Variants in FOXP1 observed in about 807,000 individuals in gnomAD.
The protein encoded by FOXP1 is forkhead box protein P1.
A neutral mutation model predicts 98.2 loss-of-function variants in FOXP1; 15 were observed. The observed-to-expected ratio is 0.15, with a 90% confidence interval of 0.10 to 0.24. The LOEUF is 0.24. Among genes scored for constraint, FOXP1 ranks in the 10% least tolerant of loss-of-function variants. FOXP1 has a pLI of 1.00. For synonymous variants in FOXP1, 371 were observed against 314.5 expected (o/e 1.18, Z -1.90); for missense variants, 633 against 848.5 (o/e 0.75, Z 3.15).
At chr3:71,008,679 C>T (rs571643972) in intron 12 of FOXP1, among the ~76,000 whole-genome samples, 17 of 152,160 alleles carry the variant, frequency 1.1e-4, no homozygotes, top group African/African-American at 3.6e-4. Flanking sequence ...TCTGATAAAG[C>T]GTCCCTCTGT....
chr3:71,240,238 C>T (rs539872478), intron 5 of FOXP1, among the ~76,000 whole-genome samples: 1 of 152,388 alleles, frequency 6.6e-6, no homozygotes, highest in African/African-American at 2.4e-5. Context: ...CTCCCACTGG[C>T]TTCGGCGAGA....
At chr3:71,483,846 TA>T (rs937297758) in intron 3 of FOXP1, among the ~76,000 whole-genome samples, 9 of 149,960 alleles carry the variant, frequency 6.0e-5, no homozygotes, top group African/African-American at 2.0e-4. Context: ...AACACAGTAG[TA>T]AAAAAAAATA....
intron 19 of FOXP1, among the ~76,000 whole-genome samples, chr3:70,967,700 G>GTTTTTGTT (rs2035203703): frequency 7.9e-5 from 5 of 63,638 alleles, no homozygotes; most frequent in African/African-American, 2.7e-4. Flanking sequence ...TTTTTTTTTT[G>GTTTTTGTT]TTTTTTTTTG....
chr3:71,234,694 T>C (rs1444294367), intron 5 of FOXP1, among the ~76,000 whole-genome samples: 1 of 152,166 alleles, frequency 6.6e-6, no homozygotes, highest in Non-Finnish European at 1.5e-5. Flanking sequence ...AAGCTAACAT[T>C]TACATTATTC....
At chr3:71,018,865 T>C (rs2044947475) in intron 11 of FOXP1, among the ~76,000 whole-genome samples, 1 of 152,196 alleles carries the variant, frequency 6.6e-6, no homozygotes, top group African/African-American at 2.4e-5. Flanking sequence ...CAATTGTTAA[T>C]TTTTTTGCAC....
chr3:71,019,846 A>AAAAAC lies in FOXP1; in HGVS notation c.870-4198_870-4194dup, dbSNP rs57192818. On this transcript the variant is annotated intron_variant, in intron 11 of 20. Coordinates refer to ENST00000649528, the MANE Select transcript of FOXP1 (RefSeq NM_001349338.3). ...AGCGAGACACGGTCCCCCCCCCAAAAAAAACAAAACAAAACAAAACAAAAC... is the reference window on the plus strand; with the variant it reads ...AGCGAGACACGGTCCCCCCCCCAAAAAAAACAAAACAAAACAAAACAAAACAAAAC... Among the ~76,000 whole-genome samples the AAAAAC allele has an allele frequency of 3.5e-3, 534 of 151,840 alleles. 15 individuals carry two copies. In the East Asian group the frequency reaches 0.075, roughly 21 times the overall value.
At chr3:71,168,701 A>T (rs2061500754) in intron 6 of FOXP1, among the ~76,000 whole-genome samples, 1 of 152,244 alleles carries the variant, frequency 6.6e-6, no homozygotes, top group South Asian at 2.1e-4. Context: ...CTTCAGACAA[A>T]CAGCACTTAC....
intron 7 of FOXP1, among the ~76,000 whole-genome samples, chr3:71,089,828 G>T (rs531463632): frequency 3.9e-5 from 6 of 152,324 alleles, no homozygotes; most frequent in African/African-American, 9.6e-5. Flanking sequence ...AGGTGAATCT[G>T]TTCATGAAAC....
intron 6 of FOXP1, among the ~76,000 whole-genome samples, chr3:71,186,274 A>T (rs1297413817): frequency 6.6e-6 from 1 of 152,202 alleles, no homozygotes; most frequent in East Asian, 1.9e-4. Context: ...AGACTGGCTG[A>T]AGATTCTTTT....
chr3:71,336,010 C>CAAAA (rs60051890), intron 4 of FOXP1, among the ~76,000 whole-genome samples: 24 of 34,088 alleles, frequency 7.0e-4, no homozygotes, highest in African/African-American at 3.1e-3. Flanking sequence ...AACTCCATCT[C>CAAAA]AAAAAAAAAA....
chr3:71,274,283 C>G (rs1013182750), intron 5 of FOXP1, among the ~76,000 whole-genome samples: 6 of 152,134 alleles, frequency 3.9e-5, no homozygotes, highest in Non-Finnish European at 7.4e-5. Context: ...AAATGAAAGG[C>G]AACCCTCAAG....
At position 71,052,587 on chromosome 3, in the gene FOXP1, A is replaced by G. The variant is rs1165160065; in HGVS notation, c.460T>C (p.Leu154=). The G allele has an allele frequency of 4.2e-6, 6 of 1,440,370 alleles. No homozygotes were observed. Among genetic ancestry groups the G allele is most frequent in the South Asian group, 3.4e-5 (3 of 87,706 alleles). 89.2% of individuals were successfully genotyped at this position (1,440,370 alleles called of 1,614,324 possible). A position where few individuals can be genotyped will look rare whatever the true frequency, so the allele number is the denominator to read the frequency against. The stretch of plus-strand genomic sequence containing the variant: ...TGTTGTTGTAAAAGTTGAAGCTGCA[A>G]CTGTTCCTGTTGTTTTTTATAAAAC... ...QEFYKKQQEQ[L]QLQLLQQQHA... Residue 154 remains leucine (L), a synonymous_variant, in exon 9 of 21, where the codon TTG becomes CTG. Transcript: ENST00000649528.
At chr3:71,020,546 C>T (rs2045275095) in intron 11 of FOXP1, among the ~76,000 whole-genome samples, 1 of 152,212 alleles carries the variant, frequency 6.6e-6, no homozygotes, top group Non-Finnish European at 1.5e-5. Flanking sequence ...CTCAACTCTG[C>T]TGTCTGCAGT....
At chr3:71,181,183 T>C (rs541753696) in intron 6 of FOXP1, among the ~76,000 whole-genome samples, 35 of 152,234 alleles carry the variant, frequency 2.3e-4, no homozygotes, top group African/African-American at 8.4e-4. Context: ...GATGATTGGA[T>C]TTTAATATAA....
At chr3:71,212,766 C>T (rs1230949104) in intron 5 of FOXP1, among the ~76,000 whole-genome samples, 2 of 152,120 alleles carry the variant, frequency 1.3e-5, no homozygotes, top group Admixed American at 6.5e-5. Flanking sequence ...CAGCATTAGC[C>T]TCATTCCCTG....
chr3:71,422,271 C>A lies in FOXP1; in HGVS notation c.-167-63027G>T, dbSNP rs184324155. Reference sequence around the variant, plus strand: ...ATCAGCATAAACACGAACTTCTCAACCAACAACCCTCCCCCTTTTCACTCC... The same window carrying A: ...ATCAGCATAAACACGAACTTCTCAAACAACAACCCTCCCCCTTTTCACTCC... On this transcript the variant is annotated intron_variant, in intron 3 of 20. Transcript: ENST00000649528. Among the ~76,000 whole-genome samples, 682 of 152,334 alleles carry A rather than the reference C, an allele frequency of 4.5e-3. 3 individuals carry two copies. Among genetic ancestry groups the A allele is most frequent in the Non-Finnish European group, 7.0e-3 (477 of 68,026 alleles).
chr3:71,389,305 G>A (rs964394623), intron 3 of FOXP1, among the ~76,000 whole-genome samples: 4 of 148,266 alleles, frequency 2.7e-5, no homozygotes, highest in Admixed American at 6.8e-5. Context: ...GAAAACTGAG[G>A]CTTTCCTACA....
intron 3 of FOXP1, among the ~76,000 whole-genome samples, chr3:71,386,754 A>AAC (rs1421566469): frequency 6.6e-6 from 1 of 151,596 alleles, no homozygotes; most frequent in Non-Finnish European, 1.5e-5. Flanking sequence ...AAAAAAAAAA[A>AAC]AAAAAAAGAA....
intron 2 of FOXP1, among the ~76,000 whole-genome samples, chr3:71,577,161 TA>T (rs2047786389): frequency 6.6e-6 from 1 of 152,214 alleles, no homozygotes; most frequent in South Asian, 2.1e-4. Context: ...AAACTGACTG[TA>T]ATTAATAAGA....
Sources: gnomAD v4.1 joint callset for allele counts (sites outside exome capture counted in the v4.1 genomes callset) on GRCh38, gnomAD v4.1.1 for gene constraint, MANE v1.5 for transcripts, NCBI Gene and HGNC (gene_info 2026-07-23, HGNC 2026-07-21) for gene names.